SOX5: variants seen among roughly 807,000 people sequenced by gnomAD.
SOX5 encodes transcription factor SOX-5.
SOX5 carries 9 observed loss-of-function variants against 92.0 expected under a neutral mutation model. That is an observed-to-expected ratio of 0.10 (90% CI 0.06 to 0.17). The LOEUF (loss-of-function observed/expected upper bound fraction) is 0.17, where lower values mean the gene tolerates loss of function less well. Ranked by LOEUF, SOX5 falls within the 10% of genes least tolerant of loss-of-function variation. The pLI, the probability that SOX5 is intolerant of heterozygous loss-of-function variation, is 1.00. For missense variants in SOX5, 642 were observed against 944.5 expected (o/e 0.68, Z 4.20); for synonymous variants, 344 against 336.3 (o/e 1.02, Z -0.25).
intron 4 of SOX5, among the ~76,000 whole-genome samples, chr12:23,979,911 G>GACA (rs1569372459): frequency 0.63 from 73,644 of 117,796 alleles, 22,794 homozygotes; most frequent in East Asian, 0.81. Context: ...CTGGCTGGCT[G>GACA]GCCAGACAGA....
intron 4 of SOX5, among the ~76,000 whole-genome samples, chr12:24,049,163 A>G (rs1481897844): frequency 6.6e-6 from 1 of 152,228 alleles, no homozygotes; most frequent in Non-Finnish European, 1.5e-5. Context: ...CTATAGCAGC[A>G]GGGAAAGGAA....
At position 23,640,862 on chromosome 12, in the gene SOX5, T is replaced by C; in HGVS notation, c.967A>G (p.Met323Val). The C allele has an allele frequency of 1.9e-6, 3 of 1,614,036 alleles. No individual in the cohort carries two copies. The highest frequency in any genetic ancestry group is 1.1e-5 in the South Asian group (1 of 91,066). Residue 323 changes from methionine to valine, a missense_variant, in exon 8 of 15, where the codon ATG (methionine) becomes GTG (valine). Transcript: ENST00000451604. ...PYPVQLIPTT[M>V]AAAAAATPGL... is the part of the protein sequence containing the mutation. The stretch of plus-strand genomic sequence containing the variant: ...GGTGTTGCTGCGGCAGCAGCTGCCA[T>C]GGTAGTTGGGATCAGCTGAACAGGG...
chr12:23,987,418 G>A (rs952322432), intron 4 of SOX5, among the ~76,000 whole-genome samples: 7 of 152,178 alleles, frequency 4.6e-5, no homozygotes, highest in Non-Finnish European at 7.3e-5. Flanking sequence ...ATGTGTTGGA[G>A]ATACAGAAGA....
intron 2 of SOX5, among the ~76,000 whole-genome samples, chr12:23,886,437 A>G (rs1203479120): frequency 6.6e-6 from 1 of 152,144 alleles, no homozygotes; most frequent in African/African-American, 2.4e-5. Flanking sequence ...TGTAAGCATT[A>G]TGTGATACAT....
At chr12:24,337,470 A>T (rs1385656363) in intron 2 of SOX5, among the ~76,000 whole-genome samples, 1 of 151,796 alleles carries the variant, frequency 6.6e-6, no homozygotes, top group Non-Finnish European at 1.5e-5. Flanking sequence ...CTTCCCAAGT[A>T]GCTGGGACTA....
chr12:24,219,061 A>G (rs1162105897), intron 3 of SOX5, among the ~76,000 whole-genome samples: 1 of 152,100 alleles, frequency 6.6e-6, no homozygotes, highest in Admixed American at 6.5e-5. Context: ...GAGATTTTTG[A>G]ATTATCAATT....
chr12:23,774,788 A>G (rs975775312), intron 3 of SOX5, among the ~76,000 whole-genome samples: 1 of 152,200 alleles, frequency 6.6e-6, no homozygotes, highest in East Asian at 1.9e-4. Flanking sequence ...AAAAAATAGT[A>G]CTGGAATATT....
intron 4 of SOX5, among the ~76,000 whole-genome samples, chr12:24,196,890 T>C (rs1433457264): frequency 6.6e-6 from 1 of 151,998 alleles, no homozygotes; most frequent in Non-Finnish European, 1.5e-5. Flanking sequence ...GTAACAGAGC[T>C]AAACCCTGTC....
chr12:24,303,409 A>G (rs1383840870), intron 2 of SOX5, among the ~76,000 whole-genome samples: 2 of 152,214 alleles, frequency 1.3e-5, no homozygotes, highest in Admixed American at 6.5e-5. Context: ...AAAAATGTCA[A>G]GTGAAACATA....
intron 3 of SOX5, among the ~76,000 whole-genome samples, chr12:23,784,307 TTTTTA>T (rs1207977248): frequency 2.6e-5 from 4 of 152,000 alleles, no homozygotes; most frequent in Admixed American, 6.6e-5. Flanking sequence ...TCTTTGATTA[TTTTTA>T]TTTTATTTTA....
intron 5 of SOX5, among the ~76,000 whole-genome samples, chr12:23,736,561 G>A (rs1420182544): frequency 6.6e-6 from 1 of 152,048 alleles, no homozygotes; most frequent in East Asian, 1.9e-4. Flanking sequence ...CCCATGTGAT[G>A]AGGATGGATG....
At position 23,914,783 on chromosome 12, in the gene SOX5, C is replaced by T. The variant is rs184982350; in HGVS notation, c.39-18759G>A. On this transcript the variant is annotated intron_variant, in intron 1 of 14. Transcript: ENST00000451604. Reference sequence around the variant, plus strand: ...CTTTTTTATTATAATAAGTAATGTACTTGAAAATTCTAGATGAAAATACAA... The same window carrying T: ...CTTTTTTATTATAATAAGTAATGTATTTGAAAATTCTAGATGAAAATACAA... Among the ~76,000 whole-genome samples, 16 of 152,152 alleles carry T rather than the reference C, an allele frequency of 1.1e-4. 1 individual carries two copies. Among genetic ancestry groups the T allele is most frequent in the Middle Eastern group, 3.4e-3 (1 of 294 alleles).
chr12:23,948,996 A>C (rs1945083509), intron 1 of SOX5, among the ~76,000 whole-genome samples: 1 of 152,160 alleles, frequency 6.6e-6, no homozygotes, highest in African/African-American at 2.4e-5. Context: ...CTTAGGGAGT[A>C]ATCTAATATA....
chr12:23,721,670 T>C (rs899380652), intron 6 of SOX5, among the ~76,000 whole-genome samples: 6 of 152,308 alleles, frequency 3.9e-5, no homozygotes, highest in African/African-American at 9.6e-5. Context: ...TATACCCCAG[T>C]TTTTACAGCA....
chr12:23,618,987 A>C (rs1430831306), intron 8 of SOX5, among the ~76,000 whole-genome samples: 2 of 152,302 alleles, frequency 1.3e-5, no homozygotes, highest in African/African-American at 4.8e-5. Flanking sequence ...GTAGTAGCAG[A>C]ACTCAACGCT....
chr12:23,940,922 T>C (rs755536510), intron 1 of SOX5, among the ~76,000 whole-genome samples: 2 of 151,450 alleles, frequency 1.3e-5, no homozygotes, highest in South Asian at 2.1e-4. Flanking sequence ...AAATTTTCCA[T>C]TAAATATGCA....
intron 1 of SOX5, among the ~76,000 whole-genome samples, chr12:23,939,836 A>G (rs1455605309): frequency 1.3e-5 from 2 of 151,018 alleles, no homozygotes; most frequent in Non-Finnish European, 3.0e-5. Context: ...CCAACTAGCA[A>G]CTATAGTATA....
chr12:24,453,978 C>T lies in SOX5; in HGVS notation c.-250-85339G>A, dbSNP rs1160867241. ...AAGAGCAAAGAGAGTTGCCACATTA[C>T]ATTTCTCCAAATAAAACCATAGGGT... On this transcript the variant is annotated intron_variant, in intron 1 of 4. Transcript: ENST00000446891. 2.0e-5 allele frequency among the ~76,000 whole-genome samples: 3 copies of T among 152,300 alleles called. No individual in the cohort carries two copies. The East Asian group carries it at 5.8e-4, about 29-fold the overall frequency.
chr12:24,276,972 A>G (rs1480507847), intron 3 of SOX5, among the ~76,000 whole-genome samples: 1 of 152,110 alleles, frequency 6.6e-6, no homozygotes. Context: ...AAAGAAAAGA[A>G]AAGAAATGTT....
Sources: allele counts gnomAD v4.1 joint callset (sites outside exome capture counted in the v4.1 genomes callset), GRCh38; gene constraint gnomAD v4.1.1; transcripts MANE v1.5; gene names NCBI Gene and HGNC (gene_info 2026-07-23, HGNC 2026-07-21).